The following COL4A2 variants were observed in gnomAD, a reference collection of about 807,000 sequenced individuals.
The protein encoded by COL4A2 is collagen type IV alpha 2 chain.
A neutral mutation model predicts 200.2 loss-of-function variants in COL4A2; 99 were observed. That is an observed-to-expected ratio of 0.49 (90% CI 0.42 to 0.58). COL4A2 has a LOEUF of 0.58. Ranked by LOEUF, COL4A2 falls within the 20% of genes least tolerant of loss-of-function variation. The pLI is 0.00. For synonymous variants in COL4A2, 897 were observed against 900.6 expected (o/e 1.00, Z 0.07); for missense variants, 1,950 against 2,314.1 (o/e 0.84, Z 3.23).
chr13:110,346,238 T>C (rs1468167626), intron 3 of COL4A2, among the ~76,000 whole-genome samples: 4 of 152,208 alleles, frequency 2.6e-5, no homozygotes, highest in Non-Finnish European at 1.5e-5. Context: ...CTCAAAGCCT[T>C]GGGAATCCCA....
chr13:110,385,945 G>GGCCGTGGTCACAGCGTGTGGATA (rs1878719584), intron 4 of COL4A2, among the ~76,000 whole-genome samples: 1 of 20,880 alleles, frequency 4.8e-5, no homozygotes, highest in Admixed American at 4.5e-4. Flanking sequence ...GCGTGTGGAT[G>GGCCGTGGTCACAGCGTGTGGATA]GGCCGTGGTC....
intron 34 of COL4A2, among the ~76,000 whole-genome samples, chr13:110,487,093 C>T (rs1281075252): frequency 1.3e-5 from 2 of 152,214 alleles, no homozygotes; most frequent in Non-Finnish European, 2.9e-5. Flanking sequence ...TCCCCTCACT[C>T]CCAAAATCTG....
rs1380793212 is a variant in COL4A2, at chr13:110,484,989, A to C, written c.2987A>C (p.Glu996Ala). 1 of 1,612,558 alleles carries C rather than the reference A, an allele frequency of 6.2e-7. No individual in the cohort carries two copies. Among genetic ancestry groups the C allele is most frequent in the East Asian group, 2.2e-5 (1 of 44,860 alleles). Residue 996 changes from glutamate to alanine, a missense_variant, in exon 33 of 48, where the codon GAA becomes GCA. Around this residue, in one of 2 missense-constraint regions of COL4A2, gnomAD observed 1,385 missense variants for 1,720.5 expected, o/e 0.80. Transcript: ENST00000360467. The stretch of plus-strand genomic sequence containing the variant: ...GACATTAAAGGAGAGAAAGGAGATG[A>C]AGGGCCTATGGGGCTGAAAGGATAC... ...MKDIKGEKGD[E>A]GPMGLKGYLG...
chr13:110,417,779 T>C (rs146177841), intron 4 of COL4A2, among the ~76,000 whole-genome samples: 1,966 of 152,292 alleles, frequency 0.013, 27 homozygotes, highest in Non-Finnish European at 0.018. Flanking sequence ...CCTCAACTGC[T>C]GCACACATCG....
chr13:110,418,478 A>G (rs1243163942), intron 4 of COL4A2, among the ~76,000 whole-genome samples: 1 of 152,264 alleles, frequency 6.6e-6, no homozygotes, highest in African/African-American at 2.4e-5. Flanking sequence ...TAGAAGCGAT[A>G]CAGCTTTAGC....
intron 4 of COL4A2, among the ~76,000 whole-genome samples, chr13:110,391,558 G>A (rs373681078): frequency 1.3e-5 from 2 of 152,324 alleles, no homozygotes; most frequent in South Asian, 2.1e-4. Context: ...ATTGAGTAGT[G>A]AAAAGCACAG....
chr13:110,338,545 A>C (rs1164829767), intron 3 of COL4A2, among the ~76,000 whole-genome samples: 2 of 152,126 alleles, frequency 1.3e-5, no homozygotes, highest in Non-Finnish European at 2.9e-5. Flanking sequence ...GGGCCTTCCC[A>C]GTTAGCACTC....
chr13:110,469,173 C>T (rs773111830), intron 27 of COL4A2, 44 bp from the exon 28 acceptor site: 2 of 1,551,532 alleles, frequency 1.3e-6, no homozygotes, highest in Admixed American at 2.0e-5. Flanking sequence ...GCCCATTTAT[C>T]CTCGTGGAGC....
chr13:110,491,451 T>C, intron 37 of COL4A2, 111 bp downstream of exon 37: 2 of 766,944 alleles, frequency 2.6e-6, no homozygotes, highest in Non-Finnish European at 4.5e-6. Flanking sequence ...CCCTGGAAGC[T>C]CACTCGTGCC....
chr13:110,415,853 G>T (rs1303536616), intron 4 of COL4A2, among the ~76,000 whole-genome samples: 1 of 152,210 alleles, frequency 6.6e-6, no homozygotes, highest in African/African-American at 2.4e-5. Context: ...ACTACCTGCA[G>T]AGGCCCCATG....
At chr13:110,313,457 G>A (rs1334037107) in intron 3 of COL4A2, among the ~76,000 whole-genome samples, 3 of 151,892 alleles carry the variant, frequency 2.0e-5, no homozygotes, top group African/African-American at 7.3e-5. Context: ...CACCCGGCAG[G>A]CTCCCACCCC....
chr13:110,508,235 G>T lies in COL4A2; in HGVS notation c.4881+14G>T. ...TCCTTCCTCATGGTATGTGGTATTT[G>T]CCCAGTTCCCCTCCCCAACCACACC... On this transcript the variant is annotated intron_variant, in intron 47 of 47. Transcript: ENST00000360467. This position sits in a 1 kb window ranked among gnomAD's most constrained non-coding sequence, Gnocchi z 6.1. The T allele has an allele frequency of 1.2e-6, 2 of 1,610,170 alleles. No individual in the cohort carries two copies. Among genetic ancestry groups the T allele is most frequent in the Non-Finnish European group, 1.7e-6 (2 of 1,176,784 alleles).
At position 110,428,567 on chromosome 13, in the gene COL4A2, G is replaced by A. The variant is rs375700657; in HGVS notation, c.461G>A (p.Gly154Glu). The change falls in exon 7 of 48, where the codon GGG becomes GAG. Residue 154 changes from glycine (G) to glutamate (E), a missense_variant. By Grantham distance (98) the Gly-to-Glu change is moderately conservative (BLOSUM62 -2). This residue lies in a region of COL4A2 where 565 missense variants were observed against 593.5 expected (regional missense o/e 0.95). Transcript: ENST00000360467. ...SGPQGPPGSE[G>E]FTGPPGPQGP... ...CCACAGGGGCCCCCCGGCTCTGAGG[G>A]GTTCACCGGGCCTCCCGTGAGTATC... 9.4e-5 allele frequency: 146 copies of A among 1,550,294 alleles called. No homozygotes were observed. The highest frequency in any genetic ancestry group is 6.2e-4 in the South Asian group (51 of 82,506).
Position 110,337,868 on chromosome 13 carries a change from G to T in COL4A2, c.100-19604G>T, listed in dbSNP as rs991050055. Among the ~76,000 whole-genome samples the T allele has an allele frequency of 4.6e-5, 7 of 152,216 alleles. 1 individual carries two copies. Among genetic ancestry groups the T allele is most frequent in the Non-Finnish European group, 2.9e-5 (2 of 68,042 alleles). Reference sequence around the variant, plus strand: ...AGCATTGATACTTGTGAAGATATATGTACTCACTAAAATATATGCAGTGAG... The same window carrying T: ...AGCATTGATACTTGTGAAGATATATTTACTCACTAAAATATATGCAGTGAG... On this transcript the variant is annotated intron_variant, in intron 3 of 47. Coordinates refer to ENST00000360467, the MANE Select transcript of COL4A2 (RefSeq NM_001846.4).
intron 4 of COL4A2, among the ~76,000 whole-genome samples, chr13:110,364,605 C>T (rs1250601489): frequency 6.6e-6 from 1 of 152,286 alleles, no homozygotes; most frequent in East Asian, 1.9e-4. Context: ...TCTGAAGCTC[C>T]AAGTTTCAGA....
At chr13:110,507,265 C>G (rs1000119774) in intron 46 of COL4A2, among the ~76,000 whole-genome samples, 1 of 152,160 alleles carries the variant, frequency 6.6e-6, no homozygotes, top group Non-Finnish European at 1.5e-5. Context: ...CCTTCACATT[C>G]CTGCCTGTGC....
intron 4 of COL4A2, among the ~76,000 whole-genome samples, chr13:110,424,520 AT>A (rs1880388238): frequency 7.1e-6 from 1 of 141,242 alleles, no homozygotes; most frequent in Non-Finnish European, 1.5e-5. Flanking sequence ...ATTTAGGATA[AT>A]TTTTTTCTCA....
chr13:110,445,862 G>A lies in COL4A2; in HGVS notation c.991G>A (p.Asp331Asn). 1 of 1,614,208 alleles carries A rather than the reference G, an allele frequency of 6.2e-7. No individual in the cohort carries two copies. The highest frequency in any genetic ancestry group is 8.5e-7 in the Non-Finnish European group (1 of 1,180,020). The change falls in exon 17 of 48, where the codon GAT (aspartate) becomes AAT (asparagine). Residue 331 changes from aspartate (D) to asparagine (N), a missense_variant. By Grantham distance (23) the Asp-to-Asn change is conservative. Coordinates refer to ENST00000360467, the MANE Select transcript of COL4A2 (RefSeq NM_001846.4). Reference sequence around the variant, plus strand: ...AGGCCTGGATGGCTATCAAGGGCCTGATGGACCCCGGGGACCCAAGGTGAG... The same window carrying A: ...AGGCCTGGATGGCTATCAAGGGCCTAATGGACCCCGGGGACCCAAGGTGAG... Reference protein sequence around the residue: ...SRGLDGYQGPDGPRGPKGEAG... With the variant: ...SRGLDGYQGPNGPRGPKGEAG...
intron 3 of COL4A2, among the ~76,000 whole-genome samples, chr13:110,347,695 G>A (rs1876770127): frequency 6.6e-6 from 1 of 152,238 alleles, no homozygotes; most frequent in Admixed American, 6.5e-5. Context: ...TCTGGAGCCA[G>A]TCCTGCCCGT....
Sources: allele counts gnomAD v4.1 joint callset (sites outside exome capture counted in the v4.1 genomes callset), GRCh38; gene constraint gnomAD v4.1.1; regional missense constraint gnomAD v4.1.1; non-coding constraint Gnocchi (gnomAD v3.1); transcripts MANE v1.5; gene names NCBI Gene and HGNC (gene_info 2026-07-23, HGNC 2026-07-21).